Variants in ATP13A3 observed in about 807,000 individuals in gnomAD.
ATP13A3 encodes the protein ATPase 13A3.
ATP13A3 carries 59 observed loss-of-function variants against 158.1 expected under a neutral mutation model. The ratio of observed to expected loss-of-function variants is 0.37; its 90% CI spans 0.30 to 0.46. The LOEUF (loss-of-function observed/expected upper bound fraction) is 0.46, where lower values mean the gene tolerates loss of function less well. ATP13A3 is among the 20% of genes least tolerant of loss of function. The pLI is 1.00. For synonymous variants in ATP13A3, 491 were observed against 504.3 expected (o/e 0.97, Z 0.35); for missense variants, 1,166 against 1,525.2 (o/e 0.76, Z 3.92).
intron 6 of ATP13A3, chr3:194,459,260 G>A (rs1288585489): frequency 1.9e-6 from 1 of 516,108 alleles, no homozygotes; most frequent in East Asian, 3.5e-5. Context: ...TAAGTTTCAT[G>A]TAAACTCTGC....
At chr3:194,450,588 G>A (rs2108911537) in intron 10 of ATP13A3, 3 of 274,980 alleles carry the variant, frequency 1.1e-5, no homozygotes, top group East Asian at 7.8e-5. Flanking sequence ...ATTAGCCTAA[G>A]GAAGAGACAC....
intron 10 of ATP13A3, chr3:194,451,533 AT>A (rs1357342501): frequency 1.3e-5 from 2 of 152,226 alleles, no homozygotes; most frequent in African/African-American, 2.4e-5. Flanking sequence ...AGAGGCATCA[AT>A]AAGCTACACA....
rs78405885 is a variant in ATP13A3, at chr3:194,434,914, C to T, written c.2121-1018G>A. Among the ~76,000 whole-genome samples, 501 of 152,190 alleles carry T rather than the reference C, an allele frequency of 3.3e-3. 5 individuals are homozygous for T. Among genetic ancestry groups the T allele is most frequent in the African/African-American group, 0.012 (483 of 41,516 alleles). On this transcript the variant is annotated intron_variant, in intron 20 of 33. Coordinates refer to ENST00000645319, the MANE Select transcript of ATP13A3 (RefSeq NM_001367549.1). ...CTAGCCTAAGCAACAAAGAGAGATC[C>T]TATCTCAAAAGAAACAAACAAAAAA...
At chr3:194,458,713 TAATC>T (rs1719426643) in intron 6 of ATP13A3, among the ~76,000 whole-genome samples, 1 of 152,292 alleles carries the variant, frequency 6.6e-6, no homozygotes, top group African/African-American at 2.4e-5. Context: ...CAATAGTTCT[TAATC>T]AGGAATGGTT....
At chr3:194,412,464 C>A (rs1560068456) in intron 32 of ATP13A3, 176 bp from the exon 33 acceptor site, 3 of 556,590 alleles carry the variant, frequency 5.4e-6, no homozygotes, top group Non-Finnish European at 9.6e-6. Context: ...ACTTTTGTAA[C>A]AAATACAAAT....
intron 14 of ATP13A3, among the ~76,000 whole-genome samples, chr3:194,445,018 G>A (rs3732467): frequency 0.046 from 6,996 of 151,970 alleles, 279 homozygotes; most frequent in East Asian, 0.15. Context: ...AATCTTCTGC[G>A]TAAGGGCAGA....
chr3:194,405,830 G>T lies in ATP13A3; in HGVS notation c.*89C>A. The stretch of plus-strand genomic sequence containing the variant: ...ATCAGAAGGGACATAAACTGAACTA[G>T]TGCCATTCTGACACACAGGATCAGA... On this transcript the variant is annotated 3_prime_UTR_variant, in exon 34 of 34. Transcript: ENST00000645319. The T allele has an allele frequency of 7.3e-7, 1 of 1,372,112 alleles. No homozygotes were observed. The highest frequency in any genetic ancestry group is 1.0e-6 in the Non-Finnish European group (1 of 968,480). 85.0% of individuals were successfully genotyped at this position (1,372,112 alleles called of 1,614,324 possible).
intron 31 of ATP13A3, among the ~76,000 whole-genome samples, chr3:194,418,344 A>G (rs2108757964): frequency 6.6e-6 from 1 of 152,312 alleles, no homozygotes; most frequent in Non-Finnish European, 1.5e-5. Context: ...TTTTTTAAAA[A>G]GAGATATTAT....
intron 13 of ATP13A3, 78 bp from the exon 14 acceptor site, chr3:194,447,193 T>C: frequency 4.9e-6 from 6 of 1,232,626 alleles, no homozygotes; most frequent in Non-Finnish European, 6.9e-6. Context: ...TTAGTGAAAA[T>C]CTGTAAGCCA....
At chr3:194,464,030 G>A (rs185980811) in intron 2 of ATP13A3, among the ~76,000 whole-genome samples, 22 of 152,006 alleles carry the variant, frequency 1.4e-4, no homozygotes, top group Non-Finnish European at 7.4e-5. Context: ...GCATGATGGC[G>A]GGTGCCTGTA....
At chr3:194,466,419 A>C (rs894045252) in intron 2 of ATP13A3, among the ~76,000 whole-genome samples, 3 of 152,226 alleles carry the variant, frequency 2.0e-5, no homozygotes, top group Admixed American at 6.5e-5. Flanking sequence ...TATACCACAA[A>C]AGATTCTGCA....
chr3:194,406,470 G>T (rs1001164989), intron 33 of ATP13A3, among the ~76,000 whole-genome samples: 5 of 151,978 alleles, frequency 3.3e-5, no homozygotes, highest in African/African-American at 1.2e-4. Context: ...TATTTTTTTT[G>T]GGGGGATAAT....
intron 2 of ATP13A3, among the ~76,000 whole-genome samples, chr3:194,476,131 ACT>A (rs1720513210): frequency 6.6e-6 from 1 of 151,920 alleles, no homozygotes; most frequent in South Asian, 2.1e-4. Context: ...ACCTCTTACA[ACT>A]CTGCTGAGCT....
At chr3:194,407,578 C>G (rs995405788) in intron 33 of ATP13A3, among the ~76,000 whole-genome samples, 1 of 152,152 alleles carries the variant, frequency 6.6e-6, no homozygotes. Flanking sequence ...CGTGACTCAC[C>G]GCTCTCAATG....
At chr3:194,489,382 G>A (rs1431395012), upstream of ATP13A3, among the ~76,000 whole-genome samples, 5 of 152,210 alleles carry the variant, frequency 3.3e-5, no homozygotes, top group South Asian at 2.1e-4. This position sits in a 1 kb window ranked among gnomAD's most constrained non-coding sequence, Gnocchi z 4.1. Context: ...GATGGAGGTT[G>A]CAGTGGGCTG....
chr3:194,410,331 A>AAAAAAAAATC (rs869283016), intron 33 of ATP13A3, among the ~76,000 whole-genome samples: 1 of 132,942 alleles, frequency 7.5e-6, no homozygotes, highest in Non-Finnish European at 1.6e-5. Flanking sequence ...AAAAAAAAAA[A>AAAAAAAAATC]CTGCTGGGCC....
At position 194,494,049 on chromosome 3, in the gene ATP13A3, C is replaced by T. The variant is rs1721177419; in HGVS notation, n.746+1G>A. On this transcript the variant is annotated splice_donor_variant and non_coding_transcript_variant, in intron 2 of 32. Transcript: ENST00000687055. The surrounding 1 kb of genome is among the most constrained non-coding windows in gnomAD (Gnocchi z 4.2). ...GGAAAAAGAGGTGTTCAATAACTCACCCGAAAGCACAGCCAGGATTCAAAC... is the reference window on the plus strand; with the variant it reads ...GGAAAAAGAGGTGTTCAATAACTCATCCGAAAGCACAGCCAGGATTCAAAC... The T allele has an allele frequency of 2.5e-6, 1 of 397,904 alleles. No homozygotes were observed. The highest frequency in any genetic ancestry group is 4.4e-6 in the Non-Finnish European group (1 of 225,894). 24.6% of individuals were successfully genotyped at this position (397,904 alleles called of 1,614,324 possible). A position where few individuals can be genotyped will look rare whatever the true frequency, so the allele number is the denominator to read the frequency against.
In ATP13A3 at chr3:194,403,920, G is replaced by C; in HGVS notation, c.*1999C>G. ...CTAACTCTAAATGTTAAAAAAGTGG[G>C]GGGGGGGTGTCAAAAATAGCTCTTT... On this transcript the variant is annotated 3_prime_UTR_variant, in exon 34 of 34. Coordinates refer to ENST00000645319, the MANE Select transcript of ATP13A3 (RefSeq NM_001367549.1). The C allele has an allele frequency of 3.2e-6, 1 of 313,200 alleles. No individual in the cohort carries two copies. The highest frequency in any genetic ancestry group is 2.6e-5 in the South Asian group (1 of 39,148). The allele number at this position is 313,200 out of a possible 1,614,324, so 19.4% of individuals were successfully genotyped here. A position where few individuals can be genotyped will look rare whatever the true frequency, so the allele number is the denominator to read the frequency against.
intron 33 of ATP13A3, among the ~76,000 whole-genome samples, chr3:194,410,941 TG>T (rs1560067387): frequency 1.8e-5 from 2 of 108,648 alleles, no homozygotes; most frequent in African/African-American, 1.1e-4. Context: ...TGTTGGGGTG[TG>T]TGTGTGTGTG....
Sources: allele counts gnomAD v4.1 joint callset (sites outside exome capture counted in the v4.1 genomes callset), GRCh38; gene constraint gnomAD v4.1.1; non-coding constraint Gnocchi (gnomAD v3.1); transcripts MANE v1.5; gene names NCBI Gene and HGNC (gene_info 2026-07-23, HGNC 2026-07-21).